ROBO2: variants seen among roughly 807,000 people sequenced by gnomAD.
ROBO2 encodes roundabout homolog 2.
In ROBO2, 53 loss-of-function variants were observed where a neutral mutation model predicts 160.8. That is an observed-to-expected ratio of 0.33 (90% CI 0.26 to 0.41). The LOEUF is 0.41. Ranked by LOEUF, ROBO2 falls within the 10% of genes least tolerant of loss-of-function variation. ROBO2 has a pLI of 1.00. For synonymous variants in ROBO2, 664 were observed against 611.7 expected (o/e 1.09, Z -1.26); for missense variants, 1,577 against 1,722.4 (o/e 0.92, Z 1.49).
chr3:77,278,191 G>A (rs945459885), intron 2 of ROBO2, among the ~76,000 whole-genome samples: 2 of 152,124 alleles, frequency 1.3e-5, no homozygotes, highest in African/African-American at 2.4e-5. Context: ...TTCCATGAAT[G>A]AGAAGCCATG....
chr3:77,204,884 G>A (rs2083264756), intron 2 of ROBO2, among the ~76,000 whole-genome samples: 2 of 152,202 alleles, frequency 1.3e-5, no homozygotes, highest in Admixed American at 1.3e-4. Context: ...CAACTGAAAC[G>A]CGACAGTCCA....
intron 1 of ROBO2, among the ~76,000 whole-genome samples, chr3:77,093,644 A>G (rs1192986673): frequency 1.3e-5 from 2 of 152,120 alleles, no homozygotes; most frequent in Non-Finnish European, 2.9e-5. Flanking sequence ...TGCTATTGTT[A>G]TGTAATGTCT....
chr3:77,444,556 C>T (rs2080271106), intron 2 of ROBO2, among the ~76,000 whole-genome samples: 1 of 152,078 alleles, frequency 6.6e-6, no homozygotes, highest in Non-Finnish European at 1.5e-5. Flanking sequence ...TTAATTGAAA[C>T]TAATATTTTG....
chr3:77,520,438 A>G (rs889354590), intron 5 of ROBO2, among the ~76,000 whole-genome samples: 6 of 151,278 alleles, frequency 4.0e-5, no homozygotes, highest in African/African-American at 1.5e-4. Context: ...ACTATGAACA[A>G]TGTGTGCAAT....
At chr3:76,547,698 A>G (rs2083189057) in intron 2 of ROBO2, among the ~76,000 whole-genome samples, 1 of 152,080 alleles carries the variant, frequency 6.6e-6, no homozygotes, top group African/African-American at 2.4e-5. Flanking sequence ...CACTGACGCT[A>G]TGGTTTAACC....
At chr3:76,304,794 CTTTCTCTTTCTTTTTTTTT>C in intron 2 of ROBO2, among the ~76,000 whole-genome samples, 1 of 116,966 alleles carries the variant, frequency 8.5e-6, no homozygotes, top group Non-Finnish European at 1.8e-5. Flanking sequence ...TTCTTTCTTT[CTTTCTCTTTCTTTTTTTTT>C]GTCTGTGTGT....
At chr3:76,926,230 C>G (rs528394869) in intron 2 of ROBO2, among the ~76,000 whole-genome samples, 1 of 152,046 alleles carries the variant, frequency 6.6e-6, no homozygotes, top group East Asian at 1.9e-4. Context: ...TTCCTTTGGT[C>G]GTACTAAAAT....
chr3:75,937,402 A>G (rs1192761446), intron 1 of ROBO2: 4 of 659,248 alleles, frequency 6.1e-6, no homozygotes, highest in Non-Finnish European at 4.7e-6. Flanking sequence ...TGCATATTAG[A>G]TATGGGATTT....
At chr3:75,969,542 T>G (rs1319822222) in intron 2 of ROBO2, among the ~76,000 whole-genome samples, 4 of 151,586 alleles carry the variant, frequency 2.6e-5, no homozygotes, top group Non-Finnish European at 5.9e-5. Flanking sequence ...ACAGTGAACA[T>G]GAGTTTCCTT....
At chr3:77,517,779 C>T (rs75847040) in intron 5 of ROBO2, among the ~76,000 whole-genome samples, 6,413 of 151,320 alleles carry the variant, frequency 0.042, 439 homozygotes, top group African/African-American at 0.14. Flanking sequence ...AGCTTCATTC[C>T]ACCAAGACAC....
At chr3:76,317,540 C>G (rs1244914048) in intron 2 of ROBO2, among the ~76,000 whole-genome samples, 1 of 152,096 alleles carries the variant, frequency 6.6e-6, no homozygotes, top group East Asian at 1.9e-4. Context: ...TATGAATATT[C>G]ATGCAAAATG....
chr3:76,656,655 G>T (rs1423059370), intron 2 of ROBO2, among the ~76,000 whole-genome samples: 1 of 151,792 alleles, frequency 6.6e-6, no homozygotes, highest in East Asian at 1.9e-4. Flanking sequence ...CATTTTTAGA[G>T]ACCGCAAGAA....
rs368016779 is a variant in ROBO2 at position 77,389,023 on chromosome 3, C to T, written c.389-88391C>T. 5.3e-5 allele frequency among the ~76,000 whole-genome samples: 8 copies of T among 152,332 alleles called. No homozygotes were observed. The East Asian group carries it at 1.5e-3, about 29-fold the overall frequency. ...GCAATAGCACAATCTTGGCTCACCT[C>T]AACCTTCACTTACTGGGTTCAAGCG... On this transcript the variant is annotated intron_variant, in intron 2 of 25. Transcript: ENST00000461745.
intron 2 of ROBO2, among the ~76,000 whole-genome samples, chr3:76,989,842 A>G (rs1006658825): frequency 1.5e-4 from 23 of 152,292 alleles, no homozygotes; most frequent in African/African-American, 4.6e-4. Flanking sequence ...GTCTGTGTGT[A>G]TGTGTGTGTC....
chr3:75,996,154 T>A (rs1273788059), intron 2 of ROBO2, among the ~76,000 whole-genome samples: 2 of 152,152 alleles, frequency 1.3e-5, no homozygotes, highest in African/African-American at 4.8e-5. Flanking sequence ...GGACATCAGA[T>A]TTTGGAGAAG....
At position 76,834,171 on chromosome 3, in the gene ROBO2, TTC is replaced by T. The variant is rs1553651478; in HGVS notation, c.110-263825_110-263824del. Among the ~76,000 whole-genome samples the T allele has an allele frequency of 1.3e-3, 148 of 117,062 alleles. 4 individuals are homozygous for T. The highest frequency in any genetic ancestry group is 3.1e-3 in the South Asian group (10 of 3,180). The allele number at this position is 117,062 out of a possible 152,430, so 76.8% of individuals were successfully genotyped here. On this transcript the variant is annotated intron_variant, in intron 2 of 26. Coordinates refer to the ROBO2 transcript ENST00000487694. Reference sequence around the variant, plus strand: ...CCTTTCTTTCTCTCTCTTTCTTTCTTTCTCTCTCTCTCTCTCTCTTTCTTTCT... The same window carrying T: ...CCTTTCTTTCTCTCTCTTTCTTTCTTTCTCTCTCTCTCTCTCTTTCTTTCT...
At chr3:77,442,738 T>C (rs2080083559) in intron 2 of ROBO2, among the ~76,000 whole-genome samples, 1 of 152,150 alleles carries the variant, frequency 6.6e-6, no homozygotes, top group African/African-American at 2.4e-5. Flanking sequence ...TGTACCATGT[T>C]CCAAATGAGC....
chr3:76,286,324 A>G (rs549349734), intron 2 of ROBO2, among the ~76,000 whole-genome samples: 11 of 152,334 alleles, frequency 7.2e-5, no homozygotes, highest in Non-Finnish European at 1.5e-4. Flanking sequence ...AACATGAAGT[A>G]GAATGGTGTG....
chr3:76,798,233 G>GAGAA (rs2063876283), intron 2 of ROBO2, among the ~76,000 whole-genome samples: 4 of 70,440 alleles, frequency 5.7e-5, no homozygotes, highest in African/African-American at 2.1e-4. Context: ...GAAAGAGAAA[G>GAGAA]AAAGAAAAAA....
Sources: gnomAD v4.1 joint callset for allele counts (sites outside exome capture counted in the v4.1 genomes callset) on GRCh38, gnomAD v4.1.1 for gene constraint, MANE v1.5 for transcripts, NCBI Gene and HGNC (gene_info 2026-07-23, HGNC 2026-07-21) for gene names.